The following NTRK3 variants were observed in gnomAD, a reference collection of about 807,000 sequenced individuals.
NTRK3 encodes NT-3 growth factor receptor.
NTRK3 carries 24 observed loss-of-function variants against 91.7 expected under a neutral mutation model. The observed-to-expected ratio is 0.26, with a 90% CI of 0.19 to 0.37. NTRK3 has a LOEUF of 0.37. Ranked by LOEUF, NTRK3 falls within the 10% of genes least tolerant of loss-of-function variation. NTRK3 has a pLI of 1.00. For missense variants in NTRK3, 880 were observed against 1,068.9 expected (o/e 0.82, Z 2.46); for synonymous variants, 483 against 404.0 (o/e 1.20, Z -2.34).
chr15:87,927,321 C>G (rs1448973385), intron 17 of NTRK3: 1 of 152,192 alleles, frequency 6.6e-6, no homozygotes, highest in Non-Finnish European at 1.5e-5. Context: ...TTTTCTCCAA[C>G]CTATTGCTAA....
At chr15:87,986,317 T>G (rs2074783073) in intron 14 of NTRK3, among the ~76,000 whole-genome samples, 1 of 152,218 alleles carries the variant, frequency 6.6e-6, no homozygotes, top group South Asian at 2.1e-4. Flanking sequence ...TGTGCCTACC[T>G]CCAGCATTAA....
chr15:87,942,245 G>A (rs111456545), intron 14 of NTRK3, among the ~76,000 whole-genome samples: 10 of 152,366 alleles, frequency 6.6e-5, no homozygotes, highest in Admixed American at 6.5e-5. Flanking sequence ...AGACCTGCAC[G>A]TTAACAGCTG....
chr15:88,080,106 T>C (rs538087539), intron 13 of NTRK3, among the ~76,000 whole-genome samples: 3 of 152,254 alleles, frequency 2.0e-5, no homozygotes, highest in Admixed American at 6.5e-5. Context: ...AGATTTTGTA[T>C]TGTTGGACAT....
At chr15:88,182,801 G>A (rs74434372) in intron 5 of NTRK3, among the ~76,000 whole-genome samples, 2 of 152,134 alleles carry the variant, frequency 1.3e-5, no homozygotes, top group African/African-American at 4.8e-5. Context: ...ATCAACTCTT[G>A]TGATTCTATC....
chr15:88,217,764 A>ATT lies in NTRK3; in HGVS notation c.249-33467_249-33466dup, dbSNP rs57874235. ...ATTTTATTATGTGTTTTGTAGCACA[A>ATT]TTTTTTTTTTTTGAGGCGGAGTCTC... On this transcript the variant is annotated intron_variant, in intron 3 of 18. Transcript: ENST00000394480. Among the ~76,000 whole-genome samples, 981 of 143,754 alleles carry ATT rather than the reference A, an allele frequency of 6.8e-3. 23 individuals are homozygous for ATT. The highest frequency in any genetic ancestry group is 0.024 in the African/African-American group (930 of 38,524). The allele number at this position is 143,754 out of a possible 152,430, so 94.3% of individuals were successfully genotyped here. A position where few individuals can be genotyped will look rare whatever the true frequency, so the allele number is the denominator to read the frequency against.
intron 3 of NTRK3, among the ~76,000 whole-genome samples, chr15:88,186,077 G>A (rs981167212): frequency 6.6e-6 from 1 of 152,136 alleles, no homozygotes; most frequent in Non-Finnish European, 1.5e-5. Flanking sequence ...AAAAGAAAGC[G>A]CCAGAGGAGT....
chr15:88,173,082 G>C (rs886172408), intron 5 of NTRK3, among the ~76,000 whole-genome samples: 1 of 152,154 alleles, frequency 6.6e-6, no homozygotes, highest in African/African-American at 2.4e-5. Flanking sequence ...AACACATTTG[G>C]AGTTCAATAA....
chr15:87,943,353 G>A (rs2070098006), intron 14 of NTRK3, among the ~76,000 whole-genome samples: 2 of 152,208 alleles, frequency 1.3e-5, no homozygotes, highest in South Asian at 4.2e-4. Context: ...CCTGGGCTTA[G>A]CTCAAAGGTC....
intron 3 of NTRK3, among the ~76,000 whole-genome samples, chr15:88,213,856 G>A (rs897145807): frequency 9.9e-5 from 15 of 152,122 alleles, no homozygotes; most frequent in Admixed American, 2.0e-4. Context: ...AAGGCGGGTG[G>A]ATCACCTGAG....
chr15:87,987,624 G>A (rs2074936023), intron 14 of NTRK3, among the ~76,000 whole-genome samples: 1 of 151,736 alleles, frequency 6.6e-6, no homozygotes, highest in African/African-American at 2.4e-5. Flanking sequence ...TATATGCATT[G>A]AAATGATGTC....
chr15:88,007,211 G>A (rs11073759), intron 14 of NTRK3, among the ~76,000 whole-genome samples: 36,772 of 152,130 alleles, frequency 0.24, 7,304 homozygotes, highest in African/African-American at 0.55. Flanking sequence ...TGGGCATTCT[G>A]TTATCCTTAT....
rs2045982074 is a variant in NTRK3, at chr15:88,059,119, G to A, written c.1397-26074C>T. Among the ~76,000 whole-genome samples, 4 of 151,996 alleles carry A rather than the reference G, an allele frequency of 2.6e-5. No homozygotes were observed. The South Asian group carries it at 8.3e-4, about 32-fold the overall frequency. The stretch of plus-strand genomic sequence containing the variant: ...AGCCATTTAGAGCTCTCCTGGAAAA[G>A]AGAAAATCTTCCAGCAGCAATGGCA... On this transcript the variant is annotated intron_variant, in intron 13 of 18. Coordinates refer to ENST00000394480, the Ensembl canonical transcript of NTRK3.
At chr15:87,866,236 C>T (rs1026182222) in exon 19 of NTRK3, 9 of 213,776 alleles carry the variant, frequency 4.2e-5, no homozygotes, top group African/African-American at 2.0e-4. Flanking sequence ...CCATTATCCT[C>T]CCTCTACCAC....
intron 17 of NTRK3, among the ~76,000 whole-genome samples, chr15:87,919,072 A>G (rs932763459): frequency 9.2e-5 from 14 of 151,998 alleles, no homozygotes; most frequent in Admixed American, 4.6e-4. Context: ...GCAGACAATA[A>G]TGCTATTGGT....
chr15:88,184,459 G>A (rs543825711), intron 3 of NTRK3, among the ~76,000 whole-genome samples, 160 bp from the exon 4 acceptor site: 3 of 152,326 alleles, frequency 2.0e-5, no homozygotes, highest in South Asian at 2.1e-4. Flanking sequence ...CTTCCTCTGC[G>A]TGGTGGGGTT....
intron 14 of NTRK3, among the ~76,000 whole-genome samples, chr15:87,947,353 G>T (rs1405787511): frequency 6.6e-6 from 1 of 151,822 alleles, no homozygotes; most frequent in Admixed American, 6.6e-5. Context: ...AATCATGACA[G>T]CCCCCTTCAA....
At chr15:88,179,868 G>A (rs1467751287) in intron 5 of NTRK3, among the ~76,000 whole-genome samples, 2 of 152,172 alleles carry the variant, frequency 1.3e-5, no homozygotes, top group Non-Finnish European at 2.9e-5. Flanking sequence ...GAACTTATCC[G>A]AATTTATTCA....
chr15:88,149,386 C>T (rs964495593), intron 5 of NTRK3, among the ~76,000 whole-genome samples: 1 of 152,110 alleles, frequency 6.6e-6, no homozygotes, highest in African/African-American at 2.4e-5. Context: ...TGCTGTCTTC[C>T]CTGTACCCAG....
At chr15:88,057,741 C>A (rs1316274908) in intron 13 of NTRK3, among the ~76,000 whole-genome samples, 1 of 152,226 alleles carries the variant, frequency 6.6e-6, no homozygotes, top group Non-Finnish European at 1.5e-5. Context: ...ACTCCCACTT[C>A]CAGCCACCCA....
Sources: gnomAD v4.1 joint callset for allele counts (sites outside exome capture counted in the v4.1 genomes callset) on GRCh38, gnomAD v4.1.1 for gene constraint, MANE v1.5 for transcripts, NCBI Gene and HGNC (gene_info 2026-07-23, HGNC 2026-07-21) for gene names.